CCAR1: variants seen among roughly 807,000 people sequenced by gnomAD.
The protein encoded by CCAR1 is cell division cycle and apoptosis regulator 1.
CCAR1 carries 78 observed loss-of-function variants against 163.8 expected under a neutral mutation model. That is an observed-to-expected ratio of 0.48 (90% CI 0.40 to 0.57). The LOEUF (loss-of-function observed/expected upper bound fraction) is 0.57. Ranked by LOEUF, CCAR1 falls within the 20% of genes least tolerant of loss-of-function variation. The pLI is 0.00. For synonymous variants in CCAR1, 443 were observed against 460.7 expected (o/e 0.96, Z 0.49); for missense variants, 1,019 against 1,365.2 (o/e 0.75, Z 4.00).
chr10:68,789,494 G>A (rs534710014), intron 23 of CCAR1, among the ~76,000 whole-genome samples: 2 of 151,964 alleles, frequency 1.3e-5, no homozygotes, highest in South Asian at 2.1e-4. Flanking sequence ...GTGCCACTTC[G>A]CTCAAGCTGG....
At chr10:68,726,151 G>A (rs2055942226) in intron 2 of CCAR1, among the ~76,000 whole-genome samples, 1 of 94,134 alleles carries the variant, frequency 1.1e-5, no homozygotes, top group Non-Finnish European at 2.1e-5. Context: ...GTACTTCAGG[G>A]TTTTAATTTT....
intron 2 of CCAR1, among the ~76,000 whole-genome samples, chr10:68,731,591 G>GTTTTTTTTTTTTT (rs67032408): frequency 9.3e-5 from 7 of 75,624 alleles, no homozygotes; most frequent in Non-Finnish European, 1.4e-4. Context: ...TCTTGTTTCT[G>GTTTTTTTTTTTTT]TTTTTTTTTT....
chr10:68,730,713 A>G (rs2056025515), intron 2 of CCAR1, among the ~76,000 whole-genome samples: 1 of 152,090 alleles, frequency 6.6e-6, no homozygotes, highest in South Asian at 2.1e-4. Flanking sequence ...ATTTTTTGAG[A>G]CAGGGCCTCA....
At chr10:68,786,368 C>CTGTCAGACA (rs1468197767) in intron 20 of CCAR1, 150 bp downstream of exon 20, 3 of 735,570 alleles carry the variant, frequency 4.1e-6, no homozygotes, top group Non-Finnish European at 6.6e-6. Context: ...TGTCAGATAA[C>CTGTCAGACA]TAGTATGTCT....
At chr10:68,786,857 G>A (rs2056800932) in intron 21 of CCAR1, 165 bp downstream of exon 21, 1 of 533,738 alleles carries the variant, frequency 1.9e-6, no homozygotes, top group Admixed American at 4.1e-5. Flanking sequence ...GGCTGAGGCG[G>A]GCAGATCAGT....
intron 19 of CCAR1, among the ~76,000 whole-genome samples, chr10:68,779,033 T>TG (rs1340488243): frequency 1.3e-5 from 2 of 152,162 alleles, no homozygotes; most frequent in South Asian, 4.1e-4. Flanking sequence ...TTATTAGAGA[T>TG]GGGGTTTCAT....
intron 2 of CCAR1, among the ~76,000 whole-genome samples, chr10:68,730,558 G>A (rs1180916796): frequency 1.3e-5 from 2 of 149,678 alleles, no homozygotes; most frequent in Non-Finnish European, 3.0e-5. Context: ...GGATGGTTTC[G>A]ATCTCTTCAC....
At chr10:68,721,859 T>TG (rs2055862931) in intron 1 of CCAR1, among the ~76,000 whole-genome samples, 1 of 152,088 alleles carries the variant, frequency 6.6e-6, no homozygotes, top group Non-Finnish European at 1.5e-5. Context: ...TGGTTTATCT[T>TG]GGGGGGAGGG....
Position 68,787,962 on chromosome 10 carries a change from A to G in CCAR1, c.2916A>G (p.Glu972=). 1.2e-6 allele frequency: 2 copies of G among 1,613,180 alleles called. No individual in the cohort carries two copies. The highest frequency in any genetic ancestry group is 1.7e-6 in the Non-Finnish European group (2 of 1,179,576). Reference sequence around the variant, plus strand: ...TTCTTAATAAAGTAGTGCTCCGTGAATCTTGCTTTTACCGGAAATTAACAG... The same window carrying G: ...TTCTTAATAAAGTAGTGCTCCGTGAGTCTTGCTTTTACCGGAAATTAACAG... The part of the protein sequence containing the change: ...KKLLNKVVLR[E]SCFYRKLTDT... The change falls in exon 22 of 25, where the codon GAA becomes GAG. Residue 972 remains glutamate, a synonymous_variant. Transcript: ENST00000265872.
At chr10:68,758,692 T>A (rs930624615) in intron 15 of CCAR1, among the ~76,000 whole-genome samples, 5 of 25,178 alleles carry the variant, frequency 2.0e-4, no homozygotes, top group South Asian at 1.1e-3. Context: ...TATATATATT[T>A]TTTTTTTTGA....
In CCAR1 at chr10:68,756,325, C is replaced by T. The variant is rs947218575; in HGVS notation, c.1678C>T (p.Arg560Cys). 3.7e-6 allele frequency: 6 copies of T among 1,613,892 alleles called. No homozygotes were observed. In the African/African-American group the frequency reaches 4.0e-5, roughly 11 times the overall value. ...TCGCCCTGAGGAGACCCACAAGGGGCGTACAGTTCCAGCTCATGTGGAGAC... is the reference window on the plus strand; with the variant it reads ...TCGCCCTGAGGAGACCCACAAGGGGTGTACAGTTCCAGCTCATGTGGAGAC... ...YHRPEETHKGRTVPAHVETVV... is the reference protein window; with the variant it reads ...YHRPEETHKGCTVPAHVETVV... The change falls in exon 14 of 25, where the codon CGT becomes TGT. Residue 560 changes from arginine (R) to cysteine (C), a missense_variant. Physicochemically the swap from Arg to Cys is radical, Grantham distance 180. Coordinates refer to ENST00000265872, the MANE Select transcript of CCAR1 (RefSeq NM_018237.4). The surrounding 1 kb of genome is among the most constrained non-coding windows in gnomAD (Gnocchi z 5.1).
chr10:68,780,612 C>T (rs1284173016), intron 19 of CCAR1, among the ~76,000 whole-genome samples: 2 of 152,118 alleles, frequency 1.3e-5, no homozygotes, highest in Non-Finnish European at 2.9e-5. Flanking sequence ...CTTTATTGTG[C>T]GCCAAAGATA....
At chr10:68,774,230 G>T (rs937467551) in intron 19 of CCAR1, among the ~76,000 whole-genome samples, 3 of 152,088 alleles carry the variant, frequency 2.0e-5, no homozygotes, top group African/African-American at 7.2e-5. Context: ...GTCTCATTCT[G>T]TTGCCCAGGC....
At chr10:68,721,520 C>A in intron 1 of CCAR1, 1 of 443,650 alleles carries the variant, frequency 2.3e-6, no homozygotes, top group East Asian at 7.8e-5. Context: ...GTGCCCCCAG[C>A]GCCCCTCAGC....
At chr10:68,753,733 G>T (rs1043239865) in intron 10 of CCAR1, 119 bp from the exon 11 acceptor site, 1 of 714,442 alleles carries the variant, frequency 1.4e-6, no homozygotes, top group Non-Finnish European at 2.4e-6. Context: ...ATTAGTAACT[G>T]ACTTTGTCTT....
intron 19 of CCAR1, among the ~76,000 whole-genome samples, chr10:68,775,687 C>CTTTTT (rs71028782): frequency 1.8e-3 from 93 of 51,750 alleles, no homozygotes; most frequent in African/African-American, 2.5e-3. Flanking sequence ...TTTTTCTTTT[C>CTTTTT]TTTTTTTTTT....
chr10:68,747,317 A>G (rs1589164088), intron 7 of CCAR1, 42 bp downstream of exon 7: 1 of 1,590,920 alleles, frequency 6.3e-7, no homozygotes, highest in Non-Finnish European at 8.6e-7. Flanking sequence ...AGCTTGGTAA[A>G]TGAGTCTTCT....
chr10:68,754,736 G>C lies in CCAR1; in HGVS notation c.1367G>C (p.Ser456Thr). Residue 456 changes from serine to threonine, a missense_variant, in exon 12 of 25, where the codon AGT becomes ACT. Physicochemically the swap from Ser to Thr is moderately conservative, Grantham distance 58 (BLOSUM62 1). This residue lies in a region of CCAR1 where 644 missense variants were observed against 904.4 expected (regional missense o/e 0.71). Transcript: ENST00000265872. Reference protein sequence around the residue: ...SAKVMLMASPSMEDLYHKSCA... With the variant: ...SAKVMLMASPTMEDLYHKSCA... ...TAGGTAATGCTGATGGCTAGCCCTAGTATGGAAGATTTATATCATAAGTCA... is the reference window on the plus strand; with the variant it reads ...TAGGTAATGCTGATGGCTAGCCCTACTATGGAAGATTTATATCATAAGTCA... 6.2e-7 allele frequency: 1 copy of C among 1,606,152 alleles called. No individual in the cohort carries two copies. The highest frequency in any genetic ancestry group is 8.5e-7 in the Non-Finnish European group (1 of 1,173,074).
At chr10:68,733,852 C>T (rs979843968) in intron 2 of CCAR1, among the ~76,000 whole-genome samples, 3 of 151,944 alleles carry the variant, frequency 2.0e-5, no homozygotes, top group Non-Finnish European at 4.4e-5. Flanking sequence ...TTGGTAGAGA[C>T]AAGGTTTCAC....
Sources: gnomAD v4.1 joint callset for allele counts (sites outside exome capture counted in the v4.1 genomes callset) on GRCh38, gnomAD v4.1.1 for gene constraint, gnomAD v4.1.1 regional missense constraint, Gnocchi (gnomAD v3.1) non-coding constraint, MANE v1.5 for transcripts, NCBI Gene and HGNC (gene_info 2026-07-23, HGNC 2026-07-21) for gene names.